The following UNC13B variants were observed in gnomAD, a reference collection of about 807,000 sequenced individuals.
UNC13B encodes the protein unc-13 homolog B.
In UNC13B, 144 loss-of-function variants were observed where a neutral mutation model predicts 211.0. That is an observed-to-expected ratio of 0.68 (90% CI 0.60 to 0.78). The LOEUF (loss-of-function observed/expected upper bound fraction) is 0.78, where lower values mean the gene tolerates loss of function less well. Ranked by LOEUF, UNC13B falls within the 30% of genes least tolerant of loss-of-function variation. UNC13B has a pLI of 0.00. For missense variants in UNC13B, 1,777 were observed against 2,002.0 expected (o/e 0.89, Z 2.14); for synonymous variants, 709 against 725.8 (o/e 0.98, Z 0.37).
intron 6 of UNC13B, 136 bp from the exon 7 acceptor site, chr9:35,258,857 G>T: frequency 1.4e-6 from 1 of 732,968 alleles, no homozygotes; most frequent in South Asian, 1.9e-5. Flanking sequence ...ATAGGAGCAG[G>T]ATGTTCTGTT....
chr9:35,366,344 T>TATAG (rs1833770821), intron 11 of UNC13B, among the ~76,000 whole-genome samples: 1 of 152,212 alleles, frequency 6.6e-6, no homozygotes, highest in African/African-American at 2.4e-5. Flanking sequence ...TTCTAGGGCC[T>TATAG]ATAGAATTCA....
chr9:35,254,897 T>C (rs1826732637), intron 6 of UNC13B, among the ~76,000 whole-genome samples: 1 of 117,200 alleles, frequency 8.5e-6, no homozygotes, highest in Non-Finnish European at 1.7e-5. Context: ...ATATATAATA[T>C]ACGTATATAA....
At chr9:35,192,477 C>A (rs754726561) in intron 1 of UNC13B, among the ~76,000 whole-genome samples, 1 of 152,184 alleles carries the variant, frequency 6.6e-6, no homozygotes, top group African/African-American at 2.4e-5. Context: ...AGGTTAAACA[C>A]CTGAGTTAAA....
In UNC13B at chr9:35,304,426, A is replaced by G. The variant is rs1587579970; in HGVS notation, c.5022A>G (p.Glu1674=). 2.5e-6 allele frequency: 1 copy of G among 398,602 alleles called. No individual in the cohort carries two copies. Among genetic ancestry groups the G allele is most frequent in the African/African-American group, 2.1e-5 (1 of 48,602 alleles). 24.7% of individuals were successfully genotyped at this position (398,602 alleles called of 1,614,324 possible). A position where few individuals can be genotyped will look rare whatever the true frequency, so the allele number is the denominator to read the frequency against. ...GGCCGTGTGGTTCTGAAGACGCTGA[A>G]TGTACATTAGATCTCAGAAATCAGC... is the stretch of plus-strand genomic sequence containing the variant. The part of the protein sequence containing the change: ...KERPCGSEDA[E]CTLDLRNQPQ... Residue 1674 remains glutamate (E), a synonymous_variant, in exon 9 of 40, where the codon GAA becomes GAG. Transcript: ENST00000635942.
At chr9:35,269,541 C>T (rs1827761910) in intron 7 of UNC13B, among the ~76,000 whole-genome samples, 1 of 152,192 alleles carries the variant, frequency 6.6e-6, no homozygotes, top group African/African-American at 2.4e-5. Flanking sequence ...CAACCTTCAG[C>T]CCCTCTTTTC....
intron 1 of UNC13B, among the ~76,000 whole-genome samples, chr9:35,185,504 A>G (rs1033083577): frequency 1.6e-4 from 24 of 152,160 alleles, no homozygotes; most frequent in African/African-American, 5.3e-4. Flanking sequence ...TCCAAAGAGA[A>G]TCCCCCTGAT....
intron 7 of UNC13B, among the ~76,000 whole-genome samples, chr9:35,268,131 A>G (rs1827676802): frequency 1.3e-5 from 2 of 152,076 alleles, no homozygotes; most frequent in Admixed American, 6.5e-5. Flanking sequence ...GGCATCCCTA[A>G]CCTTTGTGAA....
At chr9:35,179,627 C>T (rs1001101205) in intron 1 of UNC13B, among the ~76,000 whole-genome samples, 4 of 152,074 alleles carry the variant, frequency 2.6e-5, no homozygotes, top group Admixed American at 2.0e-4. Flanking sequence ...CCTATCTCTA[C>T]AAAAAATATA....
intron 6 of UNC13B, among the ~76,000 whole-genome samples, chr9:35,248,778 A>T (rs1363432670): frequency 2.0e-5 from 3 of 152,124 alleles, no homozygotes; most frequent in Admixed American, 2.0e-4. Context: ...ACTTCCAACT[A>T]TGTGGTCAAT....
intron 7 of UNC13B, among the ~76,000 whole-genome samples, chr9:35,284,707 A>G (rs1828695007): frequency 6.6e-6 from 1 of 152,182 alleles, no homozygotes; most frequent in Non-Finnish European, 1.5e-5. Context: ...TACTTACCGA[A>G]TCAACTGTCT....
intron 11 of UNC13B, among the ~76,000 whole-genome samples, chr9:35,331,093 CACCT>C (rs1468908170): frequency 6.6e-6 from 1 of 152,142 alleles, no homozygotes; most frequent in East Asian, 1.9e-4. Flanking sequence ...TCTTTACCAC[CACCT>C]TCTCTGATTC....
chr9:35,166,207 C>A (rs928515268), intron 1 of UNC13B, among the ~76,000 whole-genome samples: 1 of 151,990 alleles, frequency 6.6e-6, no homozygotes, highest in Non-Finnish European at 1.5e-5. Flanking sequence ...CGTGGTGAAA[C>A]CCCATCTCTA....
chr9:35,393,883 C>G (rs2132330854), intron 26 of UNC13B, among the ~76,000 whole-genome samples: 1 of 152,104 alleles, frequency 6.6e-6, no homozygotes, highest in East Asian at 1.9e-4. Context: ...CTTTTGGACT[C>G]TATCTTGAGG....
intron 6 of UNC13B, among the ~76,000 whole-genome samples, chr9:35,254,396 G>T (rs1826693375): frequency 6.6e-6 from 1 of 152,124 alleles, no homozygotes; most frequent in Admixed American, 6.5e-5. Flanking sequence ...CTCATGTGAT[G>T]GAAGCATGCT....
chr9:35,204,421 G>A (rs1823523569), intron 1 of UNC13B, among the ~76,000 whole-genome samples: 1 of 152,194 alleles, frequency 6.6e-6, no homozygotes, highest in Admixed American at 6.5e-5. Flanking sequence ...ACCTAGAATG[G>A]TAGATCCATT....
chr9:35,246,397 T>A (rs1826104858), intron 6 of UNC13B, among the ~76,000 whole-genome samples: 1 of 152,250 alleles, frequency 6.6e-6, no homozygotes. Flanking sequence ...GCTATTGCTT[T>A]TGGTGTTTTA....
At chr9:35,249,903 A>G (rs1197467413) in intron 6 of UNC13B, among the ~76,000 whole-genome samples, 7 of 151,928 alleles carry the variant, frequency 4.6e-5, no homozygotes, top group East Asian at 1.9e-4. Flanking sequence ...CACTCACTAC[A>G]TTTTCATCTT....
chr9:35,308,204 T>C lies in UNC13B; in HGVS notation c.8800T>C (p.Ser2934Pro). Residue 2934 changes from serine (S) to proline (P), a missense_variant, in exon 9 of 40, where the codon TCT (serine) becomes CCT (proline). Transcript: ENST00000635942. ...EGGNQQEISA[S>P]GEHWDTKANL... is the part of the protein sequence containing the mutation. ...GGGAAACCAGCAGGAAATCTCAGCA[T>C]CTGGAGAACACTGGGATACCAAAGC... 2.5e-6 allele frequency: 1 copy of C among 399,658 alleles called. No individual in the cohort carries two copies. The highest frequency in any genetic ancestry group is 4.4e-6 in the Non-Finnish European group (1 of 226,662). The allele number at this position is 399,658 out of a possible 1,614,324, so 24.8% of individuals were successfully genotyped here. A position where few individuals can be genotyped will look rare whatever the true frequency, so the allele number is the denominator to read the frequency against.
intron 8 of UNC13B, 94 bp downstream of exon 8, chr9:35,296,024 T>C: frequency 8.4e-7 from 1 of 1,193,592 alleles, no homozygotes; most frequent in Non-Finnish European, 1.2e-6. Context: ...CCTGAAGAGG[T>C]AGCGTAAGTG....
Sources: gnomAD v4.1 joint callset for allele counts (sites outside exome capture counted in the v4.1 genomes callset) on GRCh38, gnomAD v4.1.1 for gene constraint, MANE v1.5 for transcripts, NCBI Gene and HGNC (gene_info 2026-07-23, HGNC 2026-07-21) for gene names.